KHDRBS2: variants seen among roughly 807,000 people sequenced by gnomAD.
KHDRBS2 encodes the protein KH domain-containing, RNA-binding, signal transduction-associated protein 2.
A neutral mutation model predicts 44.3 loss-of-function variants in KHDRBS2; 26 were observed. The observed-to-expected ratio is 0.59, with a 90% CI of 0.43 to 0.81. KHDRBS2 has a LOEUF of 0.81. Among genes scored for constraint, KHDRBS2 ranks in the 40% least tolerant of loss-of-function variants. The probability of loss-of-function intolerance (pLI) is 0.00; values close to 1 mark genes in which losing one functional copy is unlikely to be tolerated. For missense variants in KHDRBS2, 476 were observed against 433.1 expected, an observed-to-expected ratio of 1.10 and a Z score of -0.88; for synonymous variants, 194 against 151.1, an observed-to-expected ratio of 1.28 and a Z score of -2.08.
At chr6:62,242,071 T>A (rs1434112662) in intron 1 of KHDRBS2, among the ~76,000 whole-genome samples, 1 of 152,276 alleles carries the variant, frequency 6.6e-6, no homozygotes, top group South Asian at 2.1e-4. Context: ...CTTTTCACTT[T>A]ACTTTGAAAA....
At chr6:61,568,512 C>A in the KHDRBS2 span, among the ~76,000 whole-genome samples, 1 of 152,046 alleles carries the variant, frequency 6.6e-6, no homozygotes, top group Non-Finnish European at 1.5e-5. Context: ...AGGAACATAC[C>A]AAGAAAACAG....
intron 1 of KHDRBS2, among the ~76,000 whole-genome samples, chr6:62,284,478 T>A (rs894432207): frequency 6.6e-6 from 1 of 152,122 alleles, no homozygotes; most frequent in Non-Finnish European, 1.5e-5. Context: ...TGCTATTATT[T>A]TTATGTAGTT....
At chr6:62,015,117 CT>C (rs1386534627) in intron 3 of KHDRBS2, among the ~76,000 whole-genome samples, 2 of 152,132 alleles carry the variant, frequency 1.3e-5, no homozygotes, top group East Asian at 3.9e-4. Context: ...ATTGTTATCT[CT>C]TTTTTCACCT....
chr6:62,254,376 T>C (rs1293111270), intron 1 of KHDRBS2, among the ~76,000 whole-genome samples: 1 of 152,050 alleles, frequency 6.6e-6, no homozygotes, highest in Non-Finnish European at 1.5e-5. Flanking sequence ...GGCGATAAGA[T>C]ATGCATAATT....
chr6:62,112,653 T>A (rs1479091224), intron 2 of KHDRBS2, among the ~76,000 whole-genome samples: 1 of 152,090 alleles, frequency 6.6e-6, no homozygotes, highest in Non-Finnish European at 1.5e-5. Flanking sequence ...GAAAGAGTGG[T>A]AGCAAAATCT....
chr6:61,692,718 G>A (rs1418620809), intron 8 of KHDRBS2, among the ~76,000 whole-genome samples: 2 of 152,058 alleles, frequency 1.3e-5, no homozygotes, highest in Non-Finnish European at 2.9e-5. Flanking sequence ...ATTTCTAGAG[G>A]AAGTCCAAAT....
intron 6 of KHDRBS2, among the ~76,000 whole-genome samples, chr6:61,792,222 C>T (rs1225250515): frequency 6.6e-6 from 1 of 151,340 alleles, no homozygotes; most frequent in Non-Finnish European, 1.5e-5. Context: ...TAATTCCATC[C>T]ACCGCTCCTA....
At chr6:62,229,401 G>T (rs577011078) in intron 1 of KHDRBS2, among the ~76,000 whole-genome samples, 1 of 152,238 alleles carries the variant, frequency 6.6e-6, no homozygotes, top group African/African-American at 2.4e-5. Flanking sequence ...TATAGAGATG[G>T]CTGCTGCCCT....
intron 3 of KHDRBS2, among the ~76,000 whole-genome samples, chr6:62,013,550 G>A (rs1480529667): frequency 1.3e-5 from 2 of 151,886 alleles, no homozygotes; most frequent in African/African-American, 2.4e-5. Context: ...TTAGTACAAT[G>A]TAAAATCATA....
At chr6:62,208,248 C>G (rs1399364709) in intron 1 of KHDRBS2, among the ~76,000 whole-genome samples, 2 of 152,106 alleles carry the variant, frequency 1.3e-5, no homozygotes, top group Non-Finnish European at 2.9e-5. Context: ...CAGACAAGGT[C>G]TCCCTTTGTT....
intron 4 of KHDRBS2, among the ~76,000 whole-genome samples, chr6:61,948,830 A>C (rs1160813267): frequency 2.0e-5 from 3 of 151,804 alleles, no homozygotes; most frequent in Non-Finnish European, 4.4e-5. Flanking sequence ...ATATATTCCA[A>C]ACCCTTACAA....
At chr6:62,088,590 G>T (rs1798868228) in intron 2 of KHDRBS2, among the ~76,000 whole-genome samples, 1 of 152,118 alleles carries the variant, frequency 6.6e-6, no homozygotes, top group Non-Finnish European at 1.5e-5. Context: ...TCCCAGAGGG[G>T]CACCTGCCAG....
intron 4 of KHDRBS2, among the ~76,000 whole-genome samples, chr6:61,903,230 T>C (rs1466088760): frequency 6.6e-6 from 1 of 152,174 alleles, no homozygotes; most frequent in African/African-American, 2.4e-5. Context: ...ATTAATCCCA[T>C]AATTTTGCAA....
chr6:61,978,342 GAAACC>G, intron 3 of KHDRBS2, 130 bp from the exon 4 acceptor site: 3 of 597,294 alleles, frequency 5.0e-6, no homozygotes, highest in Non-Finnish European at 8.4e-6. Context: ...TTTTCTCAAA[GAAACC>G]CTTTGAGAAA....
intron 6 of KHDRBS2, among the ~76,000 whole-genome samples, chr6:61,797,807 A>AT (rs777987623): frequency 6.4e-4 from 96 of 150,924 alleles, no homozygotes; most frequent in African/African-American, 2.2e-3. Flanking sequence ...TATTGAATAT[A>AT]TTTTTTCAGA....
At chr6:62,226,463 T>C (rs1389376641) in intron 1 of KHDRBS2, among the ~76,000 whole-genome samples, 1 of 152,046 alleles carries the variant, frequency 6.6e-6, no homozygotes, top group Non-Finnish European at 1.5e-5. Flanking sequence ...GATTGCAAAA[T>C]TTTTCTCCCA....
chr6:62,125,476 T>C (rs1007703513), intron 2 of KHDRBS2, among the ~76,000 whole-genome samples: 1 of 152,164 alleles, frequency 6.6e-6, no homozygotes, highest in African/African-American at 2.4e-5. Flanking sequence ...TCAGAGCCAG[T>C]GGACTTGGGG....
At chr6:62,146,459 G>A (rs1459599067) in intron 2 of KHDRBS2, among the ~76,000 whole-genome samples, 1 of 137,942 alleles carries the variant, frequency 7.2e-6, no homozygotes, top group East Asian at 2.1e-4. Flanking sequence ...CTTTATACAT[G>A]GATTTTAAAA....
At chr6:62,199,286 G>A (rs1826384248) in intron 1 of KHDRBS2, among the ~76,000 whole-genome samples, 1 of 152,082 alleles carries the variant, frequency 6.6e-6, no homozygotes, top group Admixed American at 6.6e-5. Context: ...TAGGAAAAAA[G>A]GAAGTCAAAT....
Sources: gnomAD v4.1 joint callset for allele counts (sites outside exome capture counted in the v4.1 genomes callset) on GRCh38, gnomAD v4.1.1 for gene constraint, MANE v1.5 for transcripts, NCBI Gene and HGNC (gene_info 2026-07-23, HGNC 2026-07-21) for gene names.